The following DHX35 variants were observed in gnomAD, a reference collection of about 807,000 sequenced individuals.
The protein encoded by DHX35 is DEAH-box helicase 35, also known as probable ATP-dependent RNA helicase DHX35.
A neutral mutation model predicts 99.6 loss-of-function variants in DHX35; 84 were observed. The ratio of observed to expected loss-of-function variants is 0.84; its 90% CI spans 0.71 to 1.01. The LOEUF is 1.01. Among genes scored for constraint, DHX35 ranks in the 50% least tolerant of loss-of-function variants. The pLI is 0.00. For missense variants in DHX35, 852 were observed against 888.5 expected (o/e 0.96, Z 0.52); for synonymous variants, 331 against 316.2 (o/e 1.05, Z -0.50).
chr20:38,989,413 G>A (rs1277754367), intron 5 of DHX35, among the ~76,000 whole-genome samples: 1 of 151,590 alleles, frequency 6.6e-6, no homozygotes, highest in Non-Finnish European at 1.5e-5. Flanking sequence ...GTGCCCGGCC[G>A]ACACAGGGCT....
At position 39,018,812 on chromosome 20, in the gene DHX35, AAAG is replaced by A; in HGVS notation, c.1413_1415del (p.Lys471_Asp472delinsAsn). The A allele has an allele frequency of 1.2e-6, 2 of 1,613,894 alleles. No individual in the cohort carries two copies. The highest frequency in any genetic ancestry group is 1.7e-6 in the Non-Finnish European group (2 of 1,179,856). On this transcript the variant is annotated inframe_deletion, in exon 15 of 22. Transcript: ENST00000252011. ...TGTTGTTCTTATGGCAGGTCTGGAC[AAAG>A]ACTGTCGCCTAACTGAACCGCTTGG...
intron 21 of DHX35, among the ~76,000 whole-genome samples, chr20:39,035,655 CAG>C (rs1172009031): frequency 3.9e-5 from 6 of 152,178 alleles, no homozygotes; most frequent in Admixed American, 6.5e-5. Flanking sequence ...GGTGGCATCA[CAG>C]GGGCTTAGGG....
At chr20:38,986,603 A>T (rs1434059442) in intron 4 of DHX35, among the ~76,000 whole-genome samples, 4 of 152,130 alleles carry the variant, frequency 2.6e-5, no homozygotes, top group Non-Finnish European at 5.9e-5. Flanking sequence ...ATAAGTTCCT[A>T]GTATCTCTAT....
intron 3 of DHX35, among the ~76,000 whole-genome samples, chr20:38,978,719 C>T (rs183635693): frequency 3.5e-4 from 53 of 152,184 alleles, no homozygotes; most frequent in African/African-American, 1.3e-3. Context: ...TCTATTTTTG[C>T]GTTTTGTTGC....
In DHX35 at chr20:39,014,881, C is replaced by T; in HGVS notation, c.1349C>T (p.Pro450Leu). 1.9e-6 allele frequency: 3 copies of T among 1,614,060 alleles called. No homozygotes were observed. The highest frequency in any genetic ancestry group is 2.5e-6 in the Non-Finnish European group (3 of 1,179,988). The stretch of plus-strand genomic sequence containing the variant: ...GGAAGATTTTTATGTTTTTTCCAGC[C>T]CCCTCCAGCACAGTCGATGGTTCAA... ...DNVLRFHFMSPPPAQSMVQAL... is the reference protein window; with the variant it reads ...DNVLRFHFMSLPPAQSMVQAL... The change falls in exon 14 of 22, where the codon CCC becomes CTC. Residue 450 changes from proline (P) to leucine (L), a missense_variant and splice_region_variant. By Grantham distance (98) the Pro-to-Leu change is moderately conservative. Coordinates refer to ENST00000252011, the MANE Select transcript of DHX35 (RefSeq NM_021931.4).
intron 3 of DHX35, among the ~76,000 whole-genome samples, chr20:38,981,895 G>A (rs2086179504): frequency 7.0e-6 from 1 of 142,264 alleles, no homozygotes; most frequent in Non-Finnish European, 1.5e-5. Context: ...AGTGAGCCGA[G>A]ATCACGCCAT....
chr20:39,022,954 TA>T (rs2086896584), intron 16 of DHX35, among the ~76,000 whole-genome samples: 2 of 152,224 alleles, frequency 1.3e-5, no homozygotes, highest in South Asian at 4.1e-4. Context: ...TTTGTATGTG[TA>T]ATGAGGAGGA....
At chr20:38,980,439 T>C (rs1349016261) in intron 3 of DHX35, among the ~76,000 whole-genome samples, 1 of 152,052 alleles carries the variant, frequency 6.6e-6, no homozygotes, top group Non-Finnish European at 1.5e-5. Flanking sequence ...TCAATGCATA[T>C]AAGGCACTCA....
chr20:38,991,102 T>A (rs189359243), intron 5 of DHX35, among the ~76,000 whole-genome samples: 208 of 152,346 alleles, frequency 1.4e-3, no homozygotes, highest in Non-Finnish European at 2.4e-3. Flanking sequence ...AGCAATTATC[T>A]TACACTTAGG....
In DHX35 at chr20:39,018,867, A is replaced by G; in HGVS notation, c.1466A>G (p.Asn489Ser). The G allele has an allele frequency of 6.2e-7, 1 of 1,614,092 alleles. No homozygotes were observed. Among genetic ancestry groups the G allele is most frequent in the Non-Finnish European group, 8.5e-7 (1 of 1,179,982 alleles). ...LGMRIAEFPL[N>S]PMFAKMLLES... Reference sequence around the variant, plus strand: ...ATGAGAATTGCAGAGTTTCCTTTGAATCCCATGTTTGCCAAAATGCTGCTT... The same window carrying G: ...ATGAGAATTGCAGAGTTTCCTTTGAGTCCCATGTTTGCCAAAATGCTGCTT... The change falls in exon 15 of 22, where the codon AAT (asparagine) becomes AGT (serine). Residue 489 changes from asparagine (N) to serine (S), a missense_variant. Physicochemically the swap from Asn to Ser is conservative, Grantham distance 46 (BLOSUM62 1). Transcript: ENST00000252011.
intron 12 of DHX35, among the ~76,000 whole-genome samples, chr20:39,009,543 C>T (rs1021025053): frequency 6.6e-6 from 1 of 152,024 alleles, no homozygotes. Flanking sequence ...GTGGAGCATT[C>T]TCTATATAAT....
At position 38,988,115 on chromosome 20, in the gene DHX35, C is replaced by T. The variant is rs980064059; in HGVS notation, c.346-698C>T. ...TGAATCTTGTCATTTCTTTTACTTT[C>T]CTTTTTGCTTTGGCCACCAAATTTA... On this transcript the variant is annotated intron_variant, in intron 4 of 21. Transcript: ENST00000252011. Among the ~76,000 whole-genome samples the T allele has an allele frequency of 2.0e-5, 3 of 152,140 alleles. No individual in the cohort carries two copies. In the South Asian group the frequency reaches 6.2e-4, roughly 32 times the overall value.
chr20:39,015,655 G>A (rs990164158), intron 14 of DHX35, among the ~76,000 whole-genome samples: 2 of 151,908 alleles, frequency 1.3e-5, no homozygotes, highest in East Asian at 3.9e-4. Flanking sequence ...TTTATTTTGA[G>A]TGTTACTTTT....
At chr20:39,013,180 C>T (rs1192330644) in intron 13 of DHX35, among the ~76,000 whole-genome samples, 1 of 151,256 alleles carries the variant, frequency 6.6e-6, no homozygotes. Context: ...GGTTATTATC[C>T]CCTGAAATTG....
chr20:38,972,586 GA>G lies in DHX35; in HGVS notation c.206del (p.Asn69IlefsTer6). Reference protein sequence around the residue: ...KLRNHILYLIENYQTVVIVGE... With the variant: ...KLRNHILYLIXNYQTVVIVGE... ...TAGGAATCATATTTTATACTTGATA[GA>G]AAATTATCAGACAGTGGTGATTGTT... On this transcript the variant is annotated frameshift_variant, in exon 3 of 22. Transcript: ENST00000252011. LOFTEE classifies it high-confidence loss of function. 4 of 1,612,238 alleles carry G rather than the reference GA, an allele frequency of 2.5e-6. No homozygotes were observed. Among genetic ancestry groups the G allele is most frequent in the Non-Finnish European group, 3.4e-6 (4 of 1,178,470 alleles).
intron 18 of DHX35, among the ~76,000 whole-genome samples, chr20:39,027,027 T>C (rs1170183723): frequency 6.6e-6 from 1 of 152,162 alleles, no homozygotes; most frequent in Non-Finnish European, 1.5e-5. Flanking sequence ...AGGGTAGGAT[T>C]GAGCTTTGGA....
intron 1 of DHX35, among the ~76,000 whole-genome samples, chr20:38,965,249 C>T (rs891461396): frequency 1.3e-5 from 2 of 152,244 alleles, no homozygotes; most frequent in African/African-American, 2.4e-5. Context: ...TTCATTTACA[C>T]ATCTTATTAA....
intron 12 of DHX35, 90 bp from the exon 13 acceptor site, chr20:39,010,190 C>T: frequency 2.5e-6 from 4 of 1,583,914 alleles, no homozygotes; most frequent in African/African-American, 2.7e-5. Flanking sequence ...GACCCTTGTT[C>T]AAGATAGAGA....
chr20:39,035,248 T>C (rs890270346), intron 21 of DHX35, among the ~76,000 whole-genome samples: 1 of 152,036 alleles, frequency 6.6e-6, no homozygotes, highest in African/African-American at 2.4e-5. Context: ...ATTTTTGTAT[T>C]TTTAGTAGAG....
Sources: allele counts gnomAD v4.1 joint callset (sites outside exome capture counted in the v4.1 genomes callset), GRCh38; gene constraint gnomAD v4.1.1; transcripts MANE v1.5; gene names NCBI Gene and HGNC (gene_info 2026-07-23, HGNC 2026-07-21).